The following CALN1 variants were observed in gnomAD, a reference collection of about 807,000 sequenced individuals.
CALN1 encodes the protein calneuron 1, also known as calcium-binding protein 8.
A neutral mutation model predicts 30.6 loss-of-function variants in CALN1; 17 were observed. The observed-to-expected ratio is 0.56, with a 90% CI of 0.38 to 0.83. CALN1 has a LOEUF of 0.83. Ranked by LOEUF, CALN1 falls within the 40% of genes least tolerant of loss-of-function variation. The pLI, the probability that CALN1 is intolerant of heterozygous loss-of-function variation, is 0.00. For missense variants in CALN1, 291 were observed against 354.9 expected (o/e 0.82, Z 1.45); for synonymous variants, 156 against 131.4 (o/e 1.19, Z -1.28).
intron 2 of CALN1, among the ~76,000 whole-genome samples, chr7:72,377,811 T>TA (rs1367688189): frequency 1.3e-5 from 2 of 152,120 alleles, no homozygotes; most frequent in African/African-American, 2.4e-5. Flanking sequence ...AAGTGTGACA[T>TA]AGTCTTCACT....
At chr7:71,877,071 G>T (rs547851071) in intron 5 of CALN1, among the ~76,000 whole-genome samples, 1 of 152,102 alleles carries the variant, frequency 6.6e-6, no homozygotes, top group Non-Finnish European at 1.5e-5. Flanking sequence ...AGGAATTTGT[G>T]TTTCTTCTTG....
intron 5 of CALN1, among the ~76,000 whole-genome samples, chr7:71,936,941 A>G (rs1795867818): frequency 6.6e-6 from 1 of 151,836 alleles, no homozygotes; most frequent in Non-Finnish European, 1.5e-5. Context: ...TGCTGCCACC[A>G]TATAAGAAGT....
rs150392598 is a variant in CALN1, at chr7:72,082,415, T to G, written c.388+23736A>C. The stretch of plus-strand genomic sequence containing the variant: ...GTGCAGGCAGTTAGTACGGTGAAGG[T>G]TGGATAGGGCAGGAGAGCTGAGGGA... On this transcript the variant is annotated intron_variant, in intron 4 of 6. Transcript: ENST00000395275. Among the ~76,000 whole-genome samples, 53 of 152,252 alleles carry G rather than the reference T, an allele frequency of 3.5e-4. 1 individual carries two copies. The Middle Eastern group carries it at 0.014, about 39-fold the overall frequency.
At chr7:72,405,415 A>G (rs1212559457) in intron 1 of CALN1, among the ~76,000 whole-genome samples, 1 of 152,104 alleles carries the variant, frequency 6.6e-6, no homozygotes, top group Admixed American at 6.5e-5. Flanking sequence ...CTTAACAATT[A>G]TGGTGGAAGG....
intron 5 of CALN1, among the ~76,000 whole-genome samples, chr7:71,828,718 ATGTGTGTG>A (rs146892125): frequency 1.4e-5 from 2 of 144,306 alleles, no homozygotes; most frequent in Non-Finnish European, 3.0e-5. Flanking sequence ...ATATATGTAT[ATGTGTGTG>A]TGTGTGTGTG....
intron 4 of CALN1, among the ~76,000 whole-genome samples, chr7:72,097,658 A>G (rs1806335040): frequency 6.6e-6 from 1 of 151,992 alleles, no homozygotes; most frequent in Non-Finnish European, 1.5e-5. Flanking sequence ...AAAAAAAAAA[A>G]AAAAAATTAA....
At chr7:72,209,864 G>A (rs1319384154) in intron 3 of CALN1, among the ~76,000 whole-genome samples, 1 of 152,164 alleles carries the variant, frequency 6.6e-6, no homozygotes, top group Admixed American at 6.6e-5. Flanking sequence ...TCTTGACCTA[G>A]GGGCTGGTTA....
Position 71,781,772 on chromosome 7 carries a change from G to C in CALN1, c.*6003C>G, listed in dbSNP as rs1356793775. The C allele has an allele frequency of 1.3e-5, 2 of 152,194 alleles. No homozygotes were observed. The highest frequency in any genetic ancestry group is 4.8e-5 in the African/African-American group (2 of 41,442). The allele number at this position is 152,194 out of a possible 1,614,324, so 9.4% of individuals were successfully genotyped here. A position where few individuals can be genotyped will look rare whatever the true frequency, so the allele number is the denominator to read the frequency against. Reference sequence around the variant, plus strand: ...CATCACACCTGAGGAAAAGAGATGGGTGAGTCTATGCCCGGCATGGGGGTT... The same window carrying C: ...CATCACACCTGAGGAAAAGAGATGGCTGAGTCTATGCCCGGCATGGGGGTT... On this transcript the variant is annotated 3_prime_UTR_variant, in exon 7 of 7. Transcript: ENST00000395275.
At chr7:71,869,674 C>T (rs1791805954) in intron 5 of CALN1, among the ~76,000 whole-genome samples, 2 of 152,162 alleles carry the variant, frequency 1.3e-5, no homozygotes, top group African/African-American at 4.8e-5. Context: ...ACTCTGCCAT[C>T]CTGTTAACCT....
chr7:72,127,731 G>C (rs1200785002), intron 3 of CALN1, among the ~76,000 whole-genome samples: 1 of 152,174 alleles, frequency 6.6e-6, no homozygotes, highest in Non-Finnish European at 1.5e-5. Context: ...TATGGTGTAG[G>C]GTGATGGCAA....
chr7:72,208,076 T>A (rs1367620365), intron 3 of CALN1, among the ~76,000 whole-genome samples: 1 of 152,328 alleles, frequency 6.6e-6, no homozygotes, highest in East Asian at 1.9e-4. Context: ...GCTTTTTAAA[T>A]GAAAAATTCA....
At chr7:72,287,571 C>T (rs1009381813) in intron 2 of CALN1, among the ~76,000 whole-genome samples, 5 of 150,746 alleles carry the variant, frequency 3.3e-5, no homozygotes, top group East Asian at 2.0e-4. Flanking sequence ...CTCAGCCTCC[C>T]GAGTAGCTGG....
chr7:72,404,129 G>A (rs955797794), intron 1 of CALN1, among the ~76,000 whole-genome samples: 1 of 152,108 alleles, frequency 6.6e-6, no homozygotes, highest in Non-Finnish European at 1.5e-5. Flanking sequence ...CTCAGCTCAG[G>A]TGTCACCTCT....
intron 4 of CALN1, among the ~76,000 whole-genome samples, chr7:72,061,824 AAACC>A (rs1413514215): frequency 6.6e-6 from 1 of 151,136 alleles, no homozygotes; most frequent in African/African-American, 2.4e-5. Flanking sequence ...AAAAAGAAAT[AAACC>A]AACAGATTCA....
chr7:72,289,810 G>A (rs1270368997), intron 2 of CALN1, among the ~76,000 whole-genome samples: 1 of 151,904 alleles, frequency 6.6e-6, no homozygotes, highest in African/African-American at 2.4e-5. Context: ...GAATGCATAG[G>A]CTGAGTGTGG....
intron 4 of CALN1, among the ~76,000 whole-genome samples, chr7:72,030,490 C>G (rs1307940531): frequency 2.6e-5 from 4 of 152,126 alleles, no homozygotes; most frequent in Non-Finnish European, 5.9e-5. Flanking sequence ...ATTTAACAGA[C>G]AAACAGGGCT....
At chr7:72,482,394 T>C in the CALN1 span, among the ~76,000 whole-genome samples, 4 of 152,174 alleles carry the variant, frequency 2.6e-5, no homozygotes, top group African/African-American at 9.6e-5. Context: ...AAGCCTATCA[T>C]GATAATATTT....
Position 72,308,377 on chromosome 7 carries a change from GAGAGA to G in CALN1, c.120-29572_120-29568del, listed in dbSNP as rs1271158578. Among the ~76,000 whole-genome samples the G allele has an allele frequency of 6.3e-5, 2 of 31,928 alleles. 1 individual carries two copies. Among genetic ancestry groups the G allele is most frequent in the Non-Finnish European group, 1.3e-4 (2 of 15,440 alleles). The allele number at this position is 31,928 out of a possible 152,430, so 20.9% of individuals were successfully genotyped here. On this transcript the variant is annotated intron_variant, in intron 2 of 6. Transcript: ENST00000395275. ...AGATGCTGTCTGTGGGGGGGGGAGA[GAGAGA>G]GAGAGAGAGAGAGAGAGAGAGAGGA...
chr7:71,923,610 A>T (rs1014622776), intron 5 of CALN1, among the ~76,000 whole-genome samples: 1 of 152,120 alleles, frequency 6.6e-6, no homozygotes, highest in Admixed American at 6.5e-5. Context: ...TTAAATAAAG[A>T]GCTAGTTTAT....
Sources: gnomAD v4.1 joint callset for allele counts (sites outside exome capture counted in the v4.1 genomes callset) on GRCh38, gnomAD v4.1.1 for gene constraint, MANE v1.5 for transcripts, NCBI Gene and HGNC (gene_info 2026-07-23, HGNC 2026-07-21) for gene names.